The following MRTFA variants were observed in gnomAD, a reference collection of about 807,000 sequenced individuals.
MRTFA encodes myocardin related transcription factor A.
A neutral mutation model predicts 83.5 loss-of-function variants in MRTFA; 20 were observed. That is an observed-to-expected ratio of 0.24 (90% CI 0.17 to 0.35). MRTFA has a LOEUF of 0.35. Among genes scored for constraint, MRTFA ranks in the 10% least tolerant of loss-of-function variants. MRTFA has a pLI of 1.00. For missense variants in MRTFA, 1,200 were observed against 1,224.7 expected (o/e 0.98, Z 0.30); for synonymous variants, 659 against 541.2 (o/e 1.22, Z -3.02).
chr22:40,428,431 T>C (rs2052999228), intron 7 of MRTFA, among the ~76,000 whole-genome samples: 1 of 152,146 alleles, frequency 6.6e-6, no homozygotes, highest in African/African-American at 2.4e-5. Context: ...AACGGCTTTT[T>C]CCCTTTTACA....
intron 3 of MRTFA, among the ~76,000 whole-genome samples, chr22:40,464,570 G>C (rs1421671595): frequency 2.0e-5 from 3 of 151,738 alleles, no homozygotes; most frequent in Non-Finnish European, 4.4e-5. Context: ...AGGATCCCAC[G>C]GGCCAAGGAA....
intron 3 of MRTFA, among the ~76,000 whole-genome samples, chr22:40,471,777 C>T (rs1175359263): frequency 6.6e-6 from 1 of 152,066 alleles, no homozygotes; most frequent in Non-Finnish European, 1.5e-5. Flanking sequence ...GAGGCTGAGG[C>T]AGGAAAATCA....
intron 1 of MRTFA, among the ~76,000 whole-genome samples, chr22:40,622,072 A>T (rs991404720): frequency 6.6e-6 from 1 of 152,210 alleles, no homozygotes; most frequent in Admixed American, 6.5e-5. Flanking sequence ...AGCAGAGAAG[A>T]GACTATGATA....
At chr22:40,428,157 G>A (rs1602226434) in intron 7 of MRTFA, among the ~76,000 whole-genome samples, 1 of 142,284 alleles carries the variant, frequency 7.0e-6, no homozygotes, top group South Asian at 2.1e-4. Context: ...GAGAGGGTAT[G>A]GGAACCCCAA....
intron 3 of MRTFA, among the ~76,000 whole-genome samples, chr22:40,475,890 T>A (rs984921223): frequency 2.0e-5 from 3 of 152,114 alleles, no homozygotes; most frequent in African/African-American, 7.2e-5. Context: ...CACGCCTGTA[T>A]TCCCAGCACT....
At chr22:40,475,699 AAAG>A (rs1202698639) in intron 3 of MRTFA, among the ~76,000 whole-genome samples, 1 of 152,250 alleles carries the variant, frequency 6.6e-6, no homozygotes, top group Non-Finnish European at 1.5e-5. Context: ...TTAAAAATAA[AAAG>A]AATTGCTTGT....
At chr22:40,602,315 A>C (rs1215671887) in intron 1 of MRTFA, among the ~76,000 whole-genome samples, 1 of 152,218 alleles carries the variant, frequency 6.6e-6, no homozygotes, top group Non-Finnish European at 1.5e-5. Context: ...CATGTGTGCT[A>C]AGTACTTCAA....
intron 3 of MRTFA, among the ~76,000 whole-genome samples, chr22:40,516,424 AAAAAAAAAAAAAAAAAAAAGGAAAAAG>A (rs2054759842): frequency 9.4e-6 from 1 of 106,696 alleles, no homozygotes; most frequent in South Asian, 2.8e-4. Context: ...TGCCTCAAGA[AAAAAAAAAAAAAAAAAAAAGGAAAAAG>A]AAAAAAAAAA....
intron 6 of MRTFA, 33 bp downstream of exon 6, chr22:40,431,372 A>T (rs767517152): frequency 6.3e-7 from 1 of 1,595,462 alleles, no homozygotes; most frequent in Non-Finnish European, 8.6e-7. Flanking sequence ...TGAGAACTGG[A>T]TCTAGATGGA....
chr22:40,539,695 G>A (rs2055255734), intron 3 of MRTFA, among the ~76,000 whole-genome samples: 1 of 151,848 alleles, frequency 6.6e-6, no homozygotes, highest in African/African-American at 2.4e-5. Flanking sequence ...TAAAGACAGG[G>A]TTTTCACCAT....
intron 4 of MRTFA, among the ~76,000 whole-genome samples, chr22:40,452,747 A>G (rs527269874): frequency 1.5e-4 from 23 of 149,486 alleles, no homozygotes; most frequent in African/African-American, 5.7e-4. Flanking sequence ...CAGAGGATTC[A>G]GTGAGCCAAG....
Position 40,427,226 on chromosome 22 carries a change from C to T in MRTFA, c.601+2380G>A, listed in dbSNP as rs944282450. On this transcript the variant is annotated intron_variant, in intron 7 of 14. Transcript: ENST00000355630. ...TAACTAGGGGCTGCTGAGGAATACA[C>T]GGAGGAAACCACTGAGATGAGGCAG... Among the ~76,000 whole-genome samples the T allele has an allele frequency of 5.9e-5, 9 of 152,156 alleles. No homozygotes were observed. The South Asian group carries it at 6.2e-4, about 11-fold the overall frequency.
At chr22:40,433,963 A>C (rs2053119124) in intron 5 of MRTFA, among the ~76,000 whole-genome samples, 1 of 152,242 alleles carries the variant, frequency 6.6e-6, no homozygotes, top group Non-Finnish European at 1.5e-5. Flanking sequence ...TAGAATCCAC[A>C]AAGGTTTGAC....
At chr22:40,435,624 G>A in intron 4 of MRTFA, 70 bp from the exon 5 acceptor site, 4 of 1,543,264 alleles carry the variant, frequency 2.6e-6, no homozygotes, top group Middle Eastern at 1.7e-4. Flanking sequence ...ATATTCAGTG[G>A]AGAAGGCATC....
At chr22:40,485,718 GGGA>G (rs1359323143) in intron 3 of MRTFA, among the ~76,000 whole-genome samples, 1 of 152,176 alleles carries the variant, frequency 6.6e-6, no homozygotes, top group Non-Finnish European at 1.5e-5. Flanking sequence ...GGGAAGAGTA[GGGA>G]GGAGAACTGC....
chr22:40,420,965 T>C lies in MRTFA; in HGVS notation c.1063A>G (p.Met355Val), dbSNP rs1162125243. ...AGGATCTTGGCGTAGGATGAGTCCA[T>C]GGGGGGTGCCCCCCTGTCCTGCTTC... Residue 355 changes from methionine to valine, a missense_variant, in exon 10 of 15, where the codon ATG becomes GTG. Physicochemically the swap from Met to Val is conservative, Grantham distance 21. Coordinates refer to ENST00000355630, the MANE Select transcript of MRTFA (RefSeq NM_020831.6). The C allele has an allele frequency of 1.4e-5, 23 of 1,613,234 alleles. No individual in the cohort carries two copies. The highest frequency in any genetic ancestry group is 2.0e-5 in the Non-Finnish European group (23 of 1,179,480).
chr22:40,433,036 GAC>G (rs1189271132), intron 5 of MRTFA: 4 of 152,230 alleles, frequency 2.6e-5, no homozygotes, highest in African/African-American at 7.2e-5. Flanking sequence ...CTAGGAGGGT[GAC>G]ACACCCACCT....
At chr22:40,544,673 A>G (rs967457576) in intron 3 of MRTFA, among the ~76,000 whole-genome samples, 1 of 152,246 alleles carries the variant, frequency 6.6e-6, no homozygotes, top group African/African-American at 2.4e-5. Context: ...AAAAAAACCA[A>G]TACAATAGAA....
At chr22:40,411,940 AG>A (rs746985010) in intron 14 of MRTFA, 33 bp from the exon 15 acceptor site, 55 of 1,452,496 alleles carry the variant, frequency 3.8e-5, no homozygotes, top group Non-Finnish European at 4.9e-5. Flanking sequence ...AATGGATATC[AG>A]AAGCCAAGCC....
Sources: gnomAD v4.1 joint callset for allele counts (sites outside exome capture counted in the v4.1 genomes callset) on GRCh38, gnomAD v4.1.1 for gene constraint, MANE v1.5 for transcripts, NCBI Gene and HGNC (gene_info 2026-07-23, HGNC 2026-07-21) for gene names.